HDAC9: variants seen among roughly 807,000 people sequenced by gnomAD.
HDAC9 encodes the protein MEF-2 interacting transcription repressor (MITR) protein.
In HDAC9, 41 loss-of-function variants were observed where a neutral mutation model predicts 139.4. The ratio of observed to expected loss-of-function variants is 0.29; its 90% CI spans 0.23 to 0.38. The LOEUF is 0.38. HDAC9 is among the 10% of genes least tolerant of loss of function. The probability of loss-of-function intolerance (pLI) is 1.00; values close to 1 mark genes in which losing one functional copy is unlikely to be tolerated. For missense variants in HDAC9, 1,147 were observed against 1,297.0 expected, an observed-to-expected ratio of 0.88 and a Z score of 1.78; for synonymous variants, 517 against 476.2, an observed-to-expected ratio of 1.09 and a Z score of -1.12.
intron 3 of HDAC9, among the ~76,000 whole-genome samples, chr7:18,585,789 T>C (rs1480475358): frequency 6.6e-6 from 1 of 152,084 alleles, no homozygotes; most frequent in Non-Finnish European, 1.5e-5. Context: ...TTTTAGATTC[T>C]CTCCTACGTG....
intron 14 of HDAC9, among the ~76,000 whole-genome samples, chr7:18,760,264 G>T (rs1789266869): frequency 6.6e-6 from 1 of 152,068 alleles, no homozygotes; most frequent in South Asian, 2.1e-4. Flanking sequence ...TATTTATCTT[G>T]AGGGATTCTC....
intron 2 of HDAC9, among the ~76,000 whole-genome samples, chr7:18,549,849 T>G (rs1271992908): frequency 2.0e-5 from 3 of 151,966 alleles, no homozygotes; most frequent in Non-Finnish European, 4.4e-5. Flanking sequence ...AAATTGGGAA[T>G]GTAGGCATTT....
intron 2 of HDAC9, among the ~76,000 whole-genome samples, chr7:18,534,222 C>CA (rs1810063446): frequency 1.3e-5 from 2 of 152,170 alleles, no homozygotes. Flanking sequence ...GCAGCCCTTT[C>CA]AGTGGGTACA....
intron 24 of HDAC9, among the ~76,000 whole-genome samples, chr7:18,964,427 TAC>T (rs1291088106): frequency 6.6e-6 from 1 of 152,210 alleles, no homozygotes; most frequent in Non-Finnish European, 1.5e-5. Context: ...GTGAGACATG[TAC>T]TCATAGAGCA....
chr7:18,294,741 G>A (rs1251048146), intron 1 of HDAC9, among the ~76,000 whole-genome samples: 1 of 152,096 alleles, frequency 6.6e-6, no homozygotes, highest in Non-Finnish European at 1.5e-5. Flanking sequence ...TTTTAAACTA[G>A]TTGCAGAGTG....
At chr7:18,790,152 A>G (rs116065568) in intron 16 of HDAC9, among the ~76,000 whole-genome samples, 2,469 of 152,260 alleles carry the variant, frequency 0.016, 57 homozygotes, top group African/African-American at 0.056. Context: ...TTTGGCCCTG[A>G]ACCCCATTTG....
At chr7:18,434,869 AC>A (rs1196237839) in intron 1 of HDAC9, among the ~76,000 whole-genome samples, 2 of 152,090 alleles carry the variant, frequency 1.3e-5, no homozygotes, top group Non-Finnish European at 2.9e-5. Flanking sequence ...CTACCATTCA[AC>A]CCATCAATCT....
At chr7:18,945,365 T>G (rs1355743642) in intron 23 of HDAC9, among the ~76,000 whole-genome samples, 1 of 152,218 alleles carries the variant, frequency 6.6e-6, no homozygotes, top group African/African-American at 2.4e-5. Context: ...CACCTTCATA[T>G]TGTCTTTTTC....
At chr7:18,381,180 C>T (rs1585499083) in intron 1 of HDAC9, among the ~76,000 whole-genome samples, 1 of 92,194 alleles carries the variant, frequency 1.1e-5, no homozygotes, top group African/African-American at 4.4e-5. Context: ...GCCTGGGTGA[C>T]AGAGCAAGAC....
chr7:18,915,387 T>C (rs1286293150), intron 22 of HDAC9, among the ~76,000 whole-genome samples: 2 of 152,004 alleles, frequency 1.3e-5, no homozygotes, highest in African/African-American at 4.8e-5. Flanking sequence ...CCTGTTCCTT[T>C]CTTGTTTTCA....
intron 13 of HDAC9, among the ~76,000 whole-genome samples, chr7:18,731,286 C>G (rs189234931): frequency 6.2e-4 from 94 of 152,132 alleles, no homozygotes; most frequent in Non-Finnish European, 1.2e-3. Flanking sequence ...CTCACATTCT[C>G]AATAGCTGTT....
intron 16 of HDAC9, among the ~76,000 whole-genome samples, chr7:18,789,118 A>G (rs1036207198): frequency 6.6e-6 from 1 of 152,152 alleles, no homozygotes; most frequent in African/African-American, 2.4e-5. Flanking sequence ...TGATATGTAA[A>G]GGAATTTGGG....
chr7:18,458,868 G>T, intron 1 of HDAC9: 1 of 1,534,896 alleles, frequency 6.5e-7, no homozygotes, highest in Non-Finnish European at 8.7e-7. Context: ...TGTACCATGG[G>T]TGCTATTCTG....
intron 1 of HDAC9, among the ~76,000 whole-genome samples, chr7:18,092,016 G>C (rs1426022854): frequency 6.6e-6 from 1 of 152,188 alleles, no homozygotes; most frequent in Non-Finnish European, 1.5e-5. Context: ...GTGAGAGAGT[G>C]ACATCAGGCT....
intron 2 of HDAC9, among the ~76,000 whole-genome samples, chr7:18,562,614 A>T (rs1450772017): frequency 6.6e-6 from 1 of 152,148 alleles, no homozygotes; most frequent in Non-Finnish European, 1.5e-5. Flanking sequence ...TCATCTGTAC[A>T]TCTGTCCTTC....
chr7:18,404,046 G>T (rs140888080), intron 1 of HDAC9, among the ~76,000 whole-genome samples: 1 of 152,270 alleles, frequency 6.6e-6, no homozygotes, highest in Non-Finnish European at 1.5e-5. Flanking sequence ...GCATGTTGGA[G>T]AAACTGACAG....
chr7:18,317,442 A>G (rs1453249299), intron 1 of HDAC9, among the ~76,000 whole-genome samples: 2 of 152,212 alleles, frequency 1.3e-5, no homozygotes, highest in Non-Finnish European at 2.9e-5. Context: ...GAAATTAAGT[A>G]TGCTTGACTT....
chr7:18,509,493 C>G, intron 2 of HDAC9: 1 of 956,070 alleles, frequency 1.0e-6, no homozygotes, highest in Non-Finnish European at 1.2e-6. Flanking sequence ...CTCATTCAAT[C>G]AGTATTTATT....
intron 12 of HDAC9, among the ~76,000 whole-genome samples, chr7:18,674,919 A>G (rs563504849): frequency 6.2e-4 from 95 of 152,066 alleles, no homozygotes; most frequent in African/African-American, 2.2e-3. Flanking sequence ...AATTTTTATA[A>G]TTTATATTTG....
Sources: gnomAD v4.1 joint callset for allele counts (sites outside exome capture counted in the v4.1 genomes callset) on GRCh38, gnomAD v4.1.1 for gene constraint, MANE v1.5 for transcripts, NCBI Gene and HGNC (gene_info 2026-07-23, HGNC 2026-07-21) for gene names.